Variants in CSMD1 observed in about 807,000 individuals in gnomAD.
CSMD1 encodes CUB and sushi domain-containing protein 1.
CSMD1 carries 213 observed loss-of-function variants against 417.5 expected under a neutral mutation model. That is an observed-to-expected ratio of 0.51 (90% CI 0.46 to 0.57). The LOEUF (loss-of-function observed/expected upper bound fraction) is 0.57. Among genes scored for constraint, CSMD1 ranks in the 20% least tolerant of loss-of-function variants. The probability of loss-of-function intolerance (pLI) is 0.00; values close to 1 mark genes in which losing one functional copy is unlikely to be tolerated. For missense variants in CSMD1, 6,923 were observed against 4,529.7 expected, an observed-to-expected ratio of 1.53 and a Z score of -15.17; for synonymous variants, 2,862 against 1,736.8, an observed-to-expected ratio of 1.65 and a Z score of -16.11.
intron 20 of CSMD1, among the ~76,000 whole-genome samples, chr8:3,364,885 A>G (rs756916429): frequency 3.3e-5 from 5 of 152,244 alleles, no homozygotes; most frequent in Non-Finnish European, 7.3e-5. Context: ...AGTAGTCGTC[A>G]AAAGAGTTAC....
At chr8:4,540,668 G>A (rs1797336258) in intron 2 of CSMD1, among the ~76,000 whole-genome samples, 1 of 152,194 alleles carries the variant, frequency 6.6e-6, no homozygotes, top group African/African-American at 2.4e-5. Context: ...CAAAGGTCAG[G>A]AAAGGCTTCT....
chr8:3,437,004 T>A (rs1410348317), intron 12 of CSMD1, among the ~76,000 whole-genome samples: 1 of 152,198 alleles, frequency 6.6e-6, no homozygotes, highest in African/African-American at 2.4e-5. Context: ...ACAAGACAGC[T>A]TGAAAACCTG....
chr8:4,021,326 G>C (rs897026181), intron 4 of CSMD1, among the ~76,000 whole-genome samples: 2 of 152,168 alleles, frequency 1.3e-5, no homozygotes, highest in Non-Finnish European at 2.9e-5. Flanking sequence ...CATTATTAAA[G>C]TTTATTTCAC....
At chr8:3,564,950 G>A (rs559305418) in intron 10 of CSMD1, among the ~76,000 whole-genome samples, 7 of 151,414 alleles carry the variant, frequency 4.6e-5, no homozygotes, top group South Asian at 2.1e-4. Flanking sequence ...ATGGATCAAC[G>A]CCATAAGATT....
At chr8:3,419,329 C>G (rs756549574) in intron 12 of CSMD1, among the ~76,000 whole-genome samples, 5 of 152,116 alleles carry the variant, frequency 3.3e-5, no homozygotes, top group African/African-American at 1.2e-4. Flanking sequence ...ACTCCACTGC[C>G]GTTTCCAAAA....
chr8:4,565,609 C>T (rs1798558881), intron 2 of CSMD1, among the ~76,000 whole-genome samples: 1 of 151,546 alleles, frequency 6.6e-6, no homozygotes, highest in South Asian at 2.1e-4. Context: ...CTTACAGGCA[C>T]CTGTAGTCCC....
At position 3,387,666 on chromosome 8, in the gene CSMD1, C is replaced by A. The variant is rs547373475; in HGVS notation, c.2610G>T (p.Ser870=). 1.3e-6 allele frequency: 2 copies of A among 1,596,218 alleles called. No homozygotes were observed. Among genetic ancestry groups the A allele is most frequent in the East Asian group, 2.3e-5 (1 of 43,968 alleles). ...GGATGCCCGGGTCCAGGCAGGAATC[C>A]GACTCAAGCGTCACACCTGGATGCA... The part of the protein sequence containing the change: ...LIHYESVTLE[S]DSCLDPGIPV... Residue 870 remains serine, a synonymous_variant, in exon 18 of 70, where the codon TCG becomes TCT. Coordinates refer to ENST00000635120, the MANE Select transcript of CSMD1 (RefSeq NM_033225.6).
intron 5 of CSMD1, among the ~76,000 whole-genome samples, chr8:3,771,986 C>T (rs986282374): frequency 2.0e-5 from 3 of 151,872 alleles, no homozygotes; most frequent in Non-Finnish European, 4.4e-5. Context: ...TTATCCAATT[C>T]TGGGCTGGTG....
intron 5 of CSMD1, among the ~76,000 whole-genome samples, chr8:3,802,019 C>T (rs540495453): frequency 1.3e-5 from 2 of 152,124 alleles, no homozygotes; most frequent in African/African-American, 4.8e-5. Flanking sequence ...GTGATGACTG[C>T]ACGATGATGT....
chr8:3,344,231 C>G (rs963114502), intron 22 of CSMD1, among the ~76,000 whole-genome samples: 16 of 152,156 alleles, frequency 1.1e-4, no homozygotes, highest in African/African-American at 3.9e-4. Flanking sequence ...CCATCATAAT[C>G]TGAATGAGGA....
chr8:3,800,411 C>G (rs2720872), intron 5 of CSMD1, among the ~76,000 whole-genome samples: 1 of 152,016 alleles, frequency 6.6e-6, no homozygotes, highest in East Asian at 1.9e-4. Flanking sequence ...TTATTGACAC[C>G]TGTGAAGTGC....
At chr8:3,501,282 A>G (rs1026560000) in intron 10 of CSMD1, among the ~76,000 whole-genome samples, 3 of 152,110 alleles carry the variant, frequency 2.0e-5, no homozygotes, top group African/African-American at 7.2e-5. Flanking sequence ...ATGCACACAC[A>G]TACACACACA....
chr8:3,939,172 G>A (rs913475351), intron 5 of CSMD1, among the ~76,000 whole-genome samples: 2 of 152,156 alleles, frequency 1.3e-5, no homozygotes, highest in Admixed American at 1.3e-4. Flanking sequence ...CATAGTTTCT[G>A]AGTGACAGAC....
chr8:4,952,320 T>A (rs1489369489), intron 1 of CSMD1, among the ~76,000 whole-genome samples: 1 of 142,172 alleles, frequency 7.0e-6, no homozygotes, highest in African/African-American at 2.6e-5. Flanking sequence ...CAACGCTTTT[T>A]GGGAATGAAA....
intron 8 of CSMD1, among the ~76,000 whole-genome samples, chr8:3,604,122 A>T (rs533535258): frequency 2.0e-5 from 3 of 152,324 alleles, no homozygotes; most frequent in East Asian, 1.9e-4. Context: ...TGAACACTGG[A>T]AACATGATAG....
chr8:4,561,828 A>AGGG (rs1798355240), intron 2 of CSMD1, among the ~76,000 whole-genome samples: 3 of 152,212 alleles, frequency 2.0e-5, no homozygotes, highest in African/African-American at 7.2e-5. Context: ...TTGACTGCTG[A>AGGG]GGGGATGGAG....
At chr8:4,796,800 C>G (rs1348787209) in intron 1 of CSMD1, among the ~76,000 whole-genome samples, 1 of 152,174 alleles carries the variant, frequency 6.6e-6, no homozygotes, top group Non-Finnish European at 1.5e-5. Context: ...TGAGTAAATT[C>G]CCCTTTGCAT....
At chr8:4,875,624 T>C (rs1475834093) in intron 1 of CSMD1, among the ~76,000 whole-genome samples, 1 of 152,078 alleles carries the variant, frequency 6.6e-6, no homozygotes, top group Non-Finnish European at 1.5e-5. Context: ...TTGTTTGCAA[T>C]AGGATATGAT....
At chr8:4,276,250 T>TA (rs946661392) in intron 3 of CSMD1, among the ~76,000 whole-genome samples, 78 of 152,110 alleles carry the variant, frequency 5.1e-4, no homozygotes, top group African/African-American at 1.6e-3. Context: ...GACTGAATTT[T>TA]AAAAAAAATG....
Sources: allele counts gnomAD v4.1 joint callset (sites outside exome capture counted in the v4.1 genomes callset), GRCh38; gene constraint gnomAD v4.1.1; transcripts MANE v1.5; gene names NCBI Gene and HGNC (gene_info 2026-07-23, HGNC 2026-07-21).